NT5DC3: variants seen among roughly 807,000 people sequenced by gnomAD.
NT5DC3 encodes 5'-nucleotidase domain containing 3, also known as 5'-nucleotidase domain-containing protein 3.
In NT5DC3, 42 loss-of-function variants were observed where a neutral mutation model predicts 67.8. That is an observed-to-expected ratio of 0.62 (90% CI 0.48 to 0.80). The LOEUF is 0.80. Among genes scored for constraint, NT5DC3 ranks in the 30% least tolerant of loss-of-function variants. NT5DC3 has a pLI of 0.00. For synonymous variants in NT5DC3, 237 were observed against 255.6 expected, an observed-to-expected ratio of 0.93 and a Z score of 0.69; for missense variants, 570 against 696.4, an observed-to-expected ratio of 0.82 and a Z score of 2.04.
Position 103,775,308 on chromosome 12 carries a change from C to CA in NT5DC3, c.*2520dup, listed in dbSNP as rs199939901. The CA allele has an allele frequency of 3.5e-5, 4 of 114,622 alleles. No homozygotes were observed. The highest frequency in any genetic ancestry group is 8.4e-5 in the African/African-American group (3 of 35,908). The allele number at this position is 114,622 out of a possible 1,614,324, so 7.1% of individuals were successfully genotyped here. On this transcript the variant is annotated 3_prime_UTR_variant, in exon 14 of 14. Transcript: ENST00000392876. Reference sequence around the variant, plus strand: ...GATTACAAAACTCATTATTCATACCCAAAAATGTTTTTCTCCTTCAAAGCT... The same window carrying CA: ...GATTACAAAACTCATTATTCATACCCAAAAAATGTTTTTCTCCTTCAAAGCT...
the NT5DC3 span, among the ~76,000 whole-genome samples, chr12:103,747,003 C>A: frequency 4.5e-5 from 6 of 134,382 alleles, no homozygotes; most frequent in South Asian, 1.1e-3. Flanking sequence ...GTTGCCCAGG[C>A]TGGAGTGCAA....
the NT5DC3 span, chr12:103,755,838 C>A: frequency 1.1e-6 from 1 of 886,358 alleles, no homozygotes; most frequent in Non-Finnish European, 1.8e-6. Flanking sequence ...GGGTGCTGGA[C>A]CACCTTGCCT....
chr12:103,791,803 C>T (rs773342607), intron 9 of NT5DC3, among the ~76,000 whole-genome samples: 1 of 152,210 alleles, frequency 6.6e-6, no homozygotes, highest in Non-Finnish European at 1.5e-5. Context: ...GAGCGGAACC[C>T]TATCGTGAGC....
the NT5DC3 span, chr12:103,763,681 G>T: frequency 7.2e-5 from 97 of 1,338,198 alleles, no homozygotes; most frequent in South Asian, 8.5e-4. Flanking sequence ...GGAAATTTCA[G>T]TGGAGATCTT....
chr12:103,766,075 A>G, downstream of NT5DC3: 1 of 691,652 alleles, frequency 1.4e-6, no homozygotes, highest in Non-Finnish European at 2.6e-6. Context: ...TGGGCCACCC[A>G]GCTTCAAGCA....
At chr12:103,821,630 T>C (rs1887494519) in intron 1 of NT5DC3, among the ~76,000 whole-genome samples, 1 of 152,230 alleles carries the variant, frequency 6.6e-6, no homozygotes, top group Non-Finnish European at 1.5e-5. Context: ...AATCTGGAGA[T>C]GTGAGGGGCC....
chr12:103,828,030 CCA>C (rs1887767792), intron 1 of NT5DC3, among the ~76,000 whole-genome samples: 1 of 152,148 alleles, frequency 6.6e-6, no homozygotes, highest in African/African-American at 2.4e-5. Flanking sequence ...ACCAGTCAGA[CCA>C]CACATGGTCA....
At chr12:103,766,269 A>C (rs79111509), downstream of NT5DC3, 19 of 1,613,708 alleles carry the variant, frequency 1.2e-5, no homozygotes, top group Non-Finnish European at 1.6e-5. Context: ...GCCCCCTTAC[A>C]ACCCTCTCTT....
In NT5DC3 at chr12:103,837,086, G is replaced by T. The variant is rs557652603; in HGVS notation, c.208+3863C>A. On this transcript the variant is annotated intron_variant, in intron 1 of 13. Transcript: ENST00000392876. ...TTTCCATACATCTTCTGAAATCTAGGTAGAGGTTCCCAAACTCGATTCTTG... is the reference window on the plus strand; with the variant it reads ...TTTCCATACATCTTCTGAAATCTAGTTAGAGGTTCCCAAACTCGATTCTTG... Among the ~76,000 whole-genome samples, 9 of 152,338 alleles carry T rather than the reference G, an allele frequency of 5.9e-5. No homozygotes were observed. In the South Asian group the frequency reaches 1.7e-3, roughly 28 times the overall value.
At chr12:103,840,218 T>C (rs76886045) in intron 1 of NT5DC3, among the ~76,000 whole-genome samples, 2,326 of 152,234 alleles carry the variant, frequency 0.015, 65 homozygotes, top group African/African-American at 0.053. Flanking sequence ...GGCACTGGTA[T>C]TTATTAGTTC....
intron 6 of NT5DC3, among the ~76,000 whole-genome samples, chr12:103,795,435 C>T (rs1886268806): frequency 6.6e-6 from 1 of 151,980 alleles, no homozygotes; most frequent in African/African-American, 2.4e-5. Context: ...TATGAATGCA[C>T]AAGGCTGCTA....
chr12:103,803,862 C>A (rs1307134989), intron 4 of NT5DC3, among the ~76,000 whole-genome samples: 3 of 125,462 alleles, frequency 2.4e-5, no homozygotes, highest in Admixed American at 8.6e-5. Flanking sequence ...CATTACCACC[C>A]CCCCCCCAAA....
At chr12:103,785,751 TAAAAAAA>T (rs201632707) in intron 11 of NT5DC3, 180 of 366,946 alleles carry the variant, frequency 4.9e-4, no homozygotes, top group East Asian at 3.0e-3. Context: ...CCATGGTCTG[TAAAAAAA>T]AAAAAAAAAA....
intron 11 of NT5DC3, among the ~76,000 whole-genome samples, chr12:103,786,316 T>C (rs1259355495): frequency 1.3e-5 from 2 of 151,984 alleles, no homozygotes; most frequent in African/African-American, 4.8e-5. Flanking sequence ...TGGGGGAAAG[T>C]ATGAAAATAT....
intron 1 of NT5DC3, among the ~76,000 whole-genome samples, chr12:103,826,929 A>G (rs1421447298): frequency 6.6e-6 from 1 of 152,218 alleles, no homozygotes; most frequent in Non-Finnish European, 1.5e-5. Flanking sequence ...CAGGTAACAG[A>G]CTGGTATTTT....
intron 1 of NT5DC3, among the ~76,000 whole-genome samples, chr12:103,840,546 G>C (rs902688631): frequency 1.1e-4 from 15 of 140,702 alleles, no homozygotes; most frequent in Admixed American, 3.7e-4. Flanking sequence ...CTCTGCGCCA[G>C]CCCGACTCGG....
rs544583370 is a variant in NT5DC3, at chr12:103,798,944, T to C, written c.525-267A>G. Among the ~76,000 whole-genome samples the C allele has an allele frequency of 3.3e-5, 5 of 152,368 alleles. No homozygotes were observed. The East Asian group carries it at 9.6e-4, about 29-fold the overall frequency. ...TAGGCCAGATATGAATTACACCTAG[T>C]CATTCCTGTAATTCTCAACAATCCT... On this transcript the variant is annotated intron_variant, in intron 4 of 13. Transcript: ENST00000392876.
At chr12:103,792,829 T>C (rs1478282960) in intron 9 of NT5DC3, among the ~76,000 whole-genome samples, 1 of 152,246 alleles carries the variant, frequency 6.6e-6, no homozygotes, top group Admixed American at 6.5e-5. Flanking sequence ...GCTGCTGTTG[T>C]TTTCTGATGC....
intron 9 of NT5DC3, among the ~76,000 whole-genome samples, chr12:103,792,199 A>G (rs1343171514): frequency 6.6e-6 from 1 of 152,206 alleles, no homozygotes; most frequent in African/African-American, 2.4e-5. Context: ...GCAGCAAGCC[A>G]CAGTTTATAG....
Sources: allele counts gnomAD v4.1 joint callset (sites outside exome capture counted in the v4.1 genomes callset), GRCh38; gene constraint gnomAD v4.1.1; transcripts MANE v1.5; gene names NCBI Gene and HGNC (gene_info 2026-07-23, HGNC 2026-07-21).